Variants in SBNO2 observed in about 807,000 individuals in gnomAD.
The protein encoded by SBNO2 is strawberry notch homolog 2, also known as protein strawberry notch homolog 2.
SBNO2 carries 89 observed loss-of-function variants against 146.3 expected under a neutral mutation model. That is an observed-to-expected ratio of 0.61 (90% CI 0.51 to 0.73). SBNO2 has a LOEUF of 0.73. Among genes scored for constraint, SBNO2 ranks in the 30% least tolerant of loss-of-function variants. The probability of loss-of-function intolerance (pLI) is 0.00; values close to 1 mark genes in which losing one functional copy is unlikely to be tolerated. For synonymous variants in SBNO2, 1,147 were observed against 892.6 expected, an observed-to-expected ratio of 1.29 and a Z score of -5.08; for missense variants, 2,092 against 2,003.7, an observed-to-expected ratio of 1.04 and a Z score of -0.84.
chr19:1,112,688 G>T lies in SBNO2; in HGVS notation c.2379+130C>A. ...GGGGCGCGGACACCACCCGCCACAC[G>T]GCCACTCGCGCCCGCACCTGGCACA... On this transcript the variant is annotated intron_variant, in intron 20 of 31. Transcript: ENST00000361757. The surrounding 1 kb of genome is among the most constrained non-coding windows in gnomAD (Gnocchi z 5.9). 1.4e-6 allele frequency: 2 copies of T among 1,434,810 alleles called. No homozygotes were observed. Among genetic ancestry groups the T allele is most frequent in the African/African-American group, 1.4e-5 (1 of 70,344 alleles). 88.9% of individuals were successfully genotyped at this position (1,434,810 alleles called of 1,614,324 possible).
At chr19:1,160,493 G>T (rs2080333259) in intron 1 of SBNO2, among the ~76,000 whole-genome samples, 2 of 152,188 alleles carry the variant, frequency 1.3e-5, no homozygotes, top group Admixed American at 1.3e-4. Flanking sequence ...GACGCACAGA[G>T]GGTGGCTACA....
chr19:1,123,816 T>C lies in SBNO2; in HGVS notation c.522+126A>G, dbSNP rs1016439512. The C allele has an allele frequency of 3.5e-6, 4 of 1,128,678 alleles. No individual in the cohort carries two copies. In the African/African-American group the frequency reaches 4.7e-5, roughly 13 times the overall value. 69.9% of individuals were successfully genotyped at this position (1,128,678 alleles called of 1,614,324 possible). A position where few individuals can be genotyped will look rare whatever the true frequency, so the allele number is the denominator to read the frequency against. On this transcript the variant is annotated intron_variant, in intron 6 of 31. Transcript: ENST00000361757. ...CCCAGGGCCTCCATCTCCTCAGCTA[T>C]AAAATGGGCACTCCCAGCTTCTAGG...
intron 1 of SBNO2, among the ~76,000 whole-genome samples, chr19:1,167,209 G>A (rs73509346): frequency 3.9e-5 from 6 of 152,396 alleles, no homozygotes; most frequent in South Asian, 2.1e-4. Flanking sequence ...ACGCCTGGAG[G>A]AGGGAACTGA....
In SBNO2 at chr19:1,147,358, G is replaced by A. The variant is rs766570301; in HGVS notation, c.230C>T (p.Pro77Leu). 6.4e-7 allele frequency: 1 copy of A among 1,568,184 alleles called. No individual in the cohort carries two copies. Among genetic ancestry groups the A allele is most frequent in the Admixed American group, 1.9e-5 (1 of 52,272 alleles). ...SQPCPDTSYA[P>L]VATASSLPPK... ...TGGCAAGCTGGAGGCGGTGGCCACG[G>A]GGGCATAGCTGGTGTCTGGGCAGGG... Residue 77 changes from proline (P) to leucine (L), a missense_variant, in exon 4 of 32, where the codon CCC (proline) becomes CTC (leucine). By Grantham distance (98) the Pro-to-Leu change is moderately conservative (BLOSUM62 -3). Transcript: ENST00000361757.
intron 4 of SBNO2, chr19:1,128,396 CA>C (rs1233981757): frequency 6.7e-6 from 2 of 297,012 alleles, no homozygotes; most frequent in Non-Finnish European, 1.3e-5. Flanking sequence ...TACATCATTT[CA>C]TTTTTTTTTT....
intron 1 of SBNO2, among the ~76,000 whole-genome samples, 169 bp downstream of exon 1, chr19:1,174,003 G>T (rs1177467629): frequency 6.7e-6 from 1 of 148,478 alleles, no homozygotes; most frequent in Non-Finnish European, 1.5e-5. Flanking sequence ...GGGTCGGAAG[G>T]GGTCGCGGCG....
intron 4 of SBNO2, among the ~76,000 whole-genome samples, chr19:1,138,502 C>T (rs2080105601): frequency 6.6e-6 from 1 of 152,018 alleles, no homozygotes; most frequent in South Asian, 2.1e-4. Flanking sequence ...GCTGTCAACC[C>T]ATACCTACTC....
intron 4 of SBNO2, among the ~76,000 whole-genome samples, chr19:1,141,956 G>A (rs1272807749): frequency 1.3e-5 from 2 of 151,544 alleles, no homozygotes; most frequent in Non-Finnish European, 1.5e-5. Context: ...ATTCCCAGGG[G>A]CAGAATCTCC....
chr19:1,130,361 G>A (rs935610040), intron 4 of SBNO2, among the ~76,000 whole-genome samples: 3 of 152,142 alleles, frequency 2.0e-5, no homozygotes, highest in Non-Finnish European at 4.4e-5. Context: ...AAGTCGGGCA[G>A]GGGGGAGCTC....
Position 1,119,073 on chromosome 19 carries a change from G to A in SBNO2, c.1465C>T (p.Arg489Cys), listed in dbSNP as rs777567099. The part of the protein sequence containing the change: ...RQLSFSGVTF[R>C]IEEIPLAPAF... ...GGGGCCAGCGGGATCTCCTCGATGC[G>A]GAAGGTGACGCCGGAGAAGCTGAGC... Residue 489 changes from arginine (R) to cysteine (C), a missense_variant, in exon 14 of 32, where the codon CGC (arginine) becomes TGC (cysteine). Physicochemically the swap from Arg to Cys is radical, Grantham distance 180. Coordinates refer to ENST00000361757, the MANE Select transcript of SBNO2 (RefSeq NM_014963.3). 14 of 1,605,804 alleles carry A rather than the reference G, an allele frequency of 8.7e-6. No individual in the cohort carries two copies. The highest frequency in any genetic ancestry group is 1.1e-5 in the South Asian group (1 of 90,020).
intron 17 of SBNO2, 109 bp from the exon 18 acceptor site, chr19:1,114,531 C>T: frequency 2.1e-6 from 2 of 930,368 alleles, no homozygotes; most frequent in Non-Finnish European, 3.0e-6. Context: ...CTGGGGAGGT[C>T]CATCCGAGAA....
chr19:1,125,047 G>C (rs982853526), intron 5 of SBNO2, among the ~76,000 whole-genome samples: 1 of 151,902 alleles, frequency 6.6e-6, no homozygotes, highest in Non-Finnish European at 1.5e-5. Context: ...ACAGTAATAC[G>C]AGCCATAAAA....
intron 12 of SBNO2, 108 bp downstream of exon 12, chr19:1,119,798 C>A: frequency 2.0e-6 from 2 of 983,874 alleles, no homozygotes; most frequent in South Asian, 1.4e-5. Context: ...CGAGGAGGAG[C>A]AGGGTGCAGA....
At position 1,110,373 on chromosome 19, in the gene SBNO2, G is replaced by A. The variant is rs1291788648; in HGVS notation, c.3028+372C>T. On this transcript the variant is annotated intron_variant, in intron 26 of 31. Transcript: ENST00000361757. This position sits in a 1 kb window ranked among gnomAD's most constrained non-coding sequence, Gnocchi z 4.9. ...CCTGGGGATGAGCATGGTGGGCAGC[G>A]TGCACCAGCCTGGGCACCTTCCAGA... Among the ~76,000 whole-genome samples, 2 of 152,136 alleles carry A rather than the reference G, an allele frequency of 1.3e-5. No homozygotes were observed. Among genetic ancestry groups the A allele is most frequent in the East Asian group, 1.9e-4 (1 of 5,198 alleles).
At chr19:1,169,583 C>A (rs1020035973) in intron 1 of SBNO2, among the ~76,000 whole-genome samples, 1 of 152,182 alleles carries the variant, frequency 6.6e-6, no homozygotes, top group Non-Finnish European at 1.5e-5. Flanking sequence ...GGGCGAGGGG[C>A]CCCCGGGGGG....
chr19:1,131,965 G>GCGGCCT lies in SBNO2; in HGVS notation c.280-4206_280-4201dup, dbSNP rs1016313473. The GCGGCCT allele has an allele frequency of 1.9e-5, 11 of 586,032 alleles. No homozygotes were observed. In the African/African-American group the frequency reaches 2.2e-4, roughly 12 times the overall value. The allele number at this position is 586,032 out of a possible 1,614,324, so 36.3% of individuals were successfully genotyped here. A position where few individuals can be genotyped will look rare whatever the true frequency, so the allele number is the denominator to read the frequency against. On this transcript the variant is annotated intron_variant, in intron 4 of 31. Transcript: ENST00000361757. Reference sequence around the variant, plus strand: ...GGGGTGGGGATTTTTTTAGATCCTGGCGGCCTCGGACTCTAGGATGAGATG... The same window carrying GCGGCCT: ...GGGGTGGGGATTTTTTTAGATCCTGGCGGCCTCGGCCTCGGACTCTAGGATGAGATG...
rs1169885526 is a variant in SBNO2, at chr19:1,119,958, T to C, written c.1215A>G (p.Leu405=). 6.4e-7 allele frequency: 1 copy of C among 1,550,798 alleles called. No individual in the cohort carries two copies. Among genetic ancestry groups the C allele is most frequent in the East Asian group, 2.4e-5 (1 of 41,018 alleles). ...AGSTKMGKAV[L]DLQNKLPLAR... ...CCAGGGGCAGCTTGTTCTGCAGGTCTAGCACAGCCTTGCCCATCTTGGTGG... is the reference window on the plus strand; with the variant it reads ...CCAGGGGCAGCTTGTTCTGCAGGTCCAGCACAGCCTTGCCCATCTTGGTGG... Residue 405 remains leucine, a synonymous_variant, in exon 12 of 32, where the codon CTA becomes CTG. Transcript: ENST00000361757.
At position 1,173,872 on chromosome 19, in the gene SBNO2, G is replaced by A. The variant is rs1177471778; in HGVS notation, c.-127+300C>T. On this transcript the variant is annotated intron_variant, in intron 1 of 31. Transcript: ENST00000361757. This position sits in a 1 kb window ranked among gnomAD's most constrained non-coding sequence, Gnocchi z 4.7. Reference sequence around the variant, plus strand: ...AGAGCGGGAAGGAAAGGTTGGGAGGGTTGTCGTGGAAGGTAGGGTTAAGGT... The same window carrying A: ...AGAGCGGGAAGGAAAGGTTGGGAGGATTGTCGTGGAAGGTAGGGTTAAGGT... 2.7e-5 allele frequency: 4 copies of A among 149,002 alleles called. No individual in the cohort carries two copies. The highest frequency in any genetic ancestry group is 5.9e-5 in the Non-Finnish European group (4 of 67,378). The allele number at this position is 149,002 out of a possible 1,614,324, so 9.2% of individuals were successfully genotyped here.
At chr19:1,171,027 G>C (rs985151260) in intron 1 of SBNO2, among the ~76,000 whole-genome samples, 6 of 151,202 alleles carry the variant, frequency 4.0e-5, no homozygotes, top group Non-Finnish European at 8.8e-5. Flanking sequence ...ACAAAATACA[G>C]ACACACATAA....
Sources: gnomAD v4.1 joint callset for allele counts (sites outside exome capture counted in the v4.1 genomes callset) on GRCh38, gnomAD v4.1.1 for gene constraint, Gnocchi (gnomAD v3.1) non-coding constraint, MANE v1.5 for transcripts, NCBI Gene and HGNC (gene_info 2026-07-23, HGNC 2026-07-21) for gene names.